CTNNA3: variants seen among roughly 807,000 people sequenced by gnomAD.
The protein encoded by CTNNA3 is catenin alpha-3.
In CTNNA3, 76 loss-of-function variants were observed where a neutral mutation model predicts 95.7. That is an observed-to-expected ratio of 0.79 (90% CI 0.66 to 0.96). CTNNA3 has a LOEUF of 0.96. Ranked by LOEUF, CTNNA3 falls within the 40% of genes least tolerant of loss-of-function variation. The pLI is 0.00. For synonymous variants in CTNNA3, 431 were observed against 374.4 expected (o/e 1.15, Z -1.74); for missense variants, 1,191 against 1,089.8 (o/e 1.09, Z -1.31).
intron 7 of CTNNA3, among the ~76,000 whole-genome samples, chr10:67,095,297 C>T (rs554972875): frequency 2.0e-4 from 31 of 151,672 alleles, no homozygotes; most frequent in Admixed American, 1.9e-3. Context: ...TAAACATTCA[C>T]GTTGCTTATA....
chr10:67,727,855 T>TTACATTATGTATAATATAGTATATATCA (rs1564841848), intron 1 of CTNNA3, among the ~76,000 whole-genome samples: 1 of 130,436 alleles, frequency 7.7e-6, no homozygotes, highest in African/African-American at 2.9e-5. Flanking sequence ...ATATCATATA[T>TTACATTATGTATAATATAGTATATATCA]TATATTATGT....
At chr10:66,571,903 C>T (rs1005835535) in intron 10 of CTNNA3, among the ~76,000 whole-genome samples, 4 of 152,106 alleles carry the variant, frequency 2.6e-5, no homozygotes, top group African/African-American at 4.8e-5. Flanking sequence ...ATCACTGACG[C>T]ATTTTTTAAA....
intron 7 of CTNNA3, among the ~76,000 whole-genome samples, chr10:67,000,194 A>T (rs1851597669): frequency 6.6e-6 from 1 of 152,198 alleles, no homozygotes; most frequent in Non-Finnish European, 1.5e-5. Flanking sequence ...ATATGAGCTC[A>T]AGAGAAACAT....
intron 3 of CTNNA3, among the ~76,000 whole-genome samples, chr10:67,576,930 C>G (rs1013266639): frequency 7.8e-6 from 1 of 127,554 alleles, no homozygotes; most frequent in African/African-American, 3.9e-5. Context: ...ATATGTGCCA[C>G]ATTTTCTTAA....
At chr10:66,628,480 A>G (rs1564578692) in intron 9 of CTNNA3, among the ~76,000 whole-genome samples, 1 of 152,174 alleles carries the variant, frequency 6.6e-6, no homozygotes, top group Admixed American at 6.6e-5. Flanking sequence ...GACTGTGTAT[A>G]TTCATTGGAA....
intron 3 of CTNNA3, among the ~76,000 whole-genome samples, chr10:67,556,909 C>T (rs1043334579): frequency 2.6e-5 from 4 of 152,070 alleles, no homozygotes; most frequent in African/African-American, 9.7e-5. Flanking sequence ...TAAATTTCCC[C>T]CTACACACTG....
chr10:65,975,112 C>T (rs2078185792), intron 16 of CTNNA3, among the ~76,000 whole-genome samples: 1 of 152,074 alleles, frequency 6.6e-6, no homozygotes, highest in Non-Finnish European at 1.5e-5. Context: ...GATGAGAACA[C>T]ATTACCCTGA....
intron 5 of CTNNA3, among the ~76,000 whole-genome samples, chr10:67,288,272 T>C (rs565458263): frequency 6.6e-6 from 1 of 152,202 alleles, no homozygotes; most frequent in South Asian, 2.1e-4. Flanking sequence ...ATCTTTCTAC[T>C]ACACGTCTTT....
chr10:67,235,790 T>C (rs1390570010), intron 5 of CTNNA3, among the ~76,000 whole-genome samples: 2 of 143,498 alleles, frequency 1.4e-5, no homozygotes, highest in African/African-American at 2.7e-5. Context: ...ATATCCAGAA[T>C]CTACAATGAA....
intron 10 of CTNNA3, among the ~76,000 whole-genome samples, chr10:66,582,909 A>T (rs11813522): frequency 0.032 from 4,786 of 151,546 alleles, 232 homozygotes; most frequent in African/African-American, 0.11. Flanking sequence ...ATATTTATTT[A>T]AAAAAATTCT....
chr10:67,675,427 C>T (rs1589558238), intron 1 of CTNNA3, among the ~76,000 whole-genome samples: 1 of 152,250 alleles, frequency 6.6e-6, no homozygotes, highest in Non-Finnish European at 1.5e-5. Context: ...TCCAGATCTG[C>T]TCCACATTTT....
intron 7 of CTNNA3, among the ~76,000 whole-genome samples, chr10:67,006,988 G>T (rs1042246935): frequency 1.1e-4 from 17 of 152,120 alleles, no homozygotes; most frequent in Admixed American, 2.6e-4. Context: ...TACAGATGGG[G>T]TTTCACCATG....
At chr10:67,319,622 G>T (rs1841220157) in intron 5 of CTNNA3, among the ~76,000 whole-genome samples, 1 of 152,106 alleles carries the variant, frequency 6.6e-6, no homozygotes, top group Non-Finnish European at 1.5e-5. Context: ...ATGGCCAGGT[G>T]CAGTGGCTCA....
chr10:67,276,992 T>A (rs1334349406), intron 5 of CTNNA3, among the ~76,000 whole-genome samples: 1 of 152,134 alleles, frequency 6.6e-6, no homozygotes, highest in Non-Finnish European at 1.5e-5. Context: ...AAGTGGTTGA[T>A]CATTCCTTAT....
At chr10:66,884,847 CAGG>C (rs1471599198) in intron 7 of CTNNA3, among the ~76,000 whole-genome samples, 1 of 151,994 alleles carries the variant, frequency 6.6e-6, no homozygotes, top group East Asian at 1.9e-4. Context: ...CCTGAACACC[CAGG>C]GGATACCCGT....
chr10:67,673,627 T>C (rs1325162813), intron 1 of CTNNA3, among the ~76,000 whole-genome samples: 2 of 147,410 alleles, frequency 1.4e-5, no homozygotes, highest in African/African-American at 4.9e-5. Flanking sequence ...ATCATGTGGT[T>C]TTTGTCTTTG....
intron 5 of CTNNA3, among the ~76,000 whole-genome samples, chr10:67,355,724 T>C (rs1183408934): frequency 6.6e-6 from 1 of 152,058 alleles, no homozygotes; most frequent in Non-Finnish European, 1.5e-5. Flanking sequence ...TGAGATATTA[T>C]GCAATGATAA....
At chr10:67,138,793 G>C (rs1285181341) in intron 7 of CTNNA3, among the ~76,000 whole-genome samples, 1 of 152,094 alleles carries the variant, frequency 6.6e-6, no homozygotes, top group East Asian at 1.9e-4. Context: ...GTATATCTTA[G>C]TGTCCACCAG....
chr10:66,081,964 A>C, intron 14 of CTNNA3, among the ~76,000 whole-genome samples: 1 of 151,900 alleles, frequency 6.6e-6, no homozygotes, highest in Admixed American at 6.6e-5. Flanking sequence ...TAAAAATACA[A>C]AAAATTAGCT....
Sources: allele counts gnomAD v4.1 joint callset (sites outside exome capture counted in the v4.1 genomes callset), GRCh38; gene constraint gnomAD v4.1.1; transcripts MANE v1.5; gene names NCBI Gene and HGNC (gene_info 2026-07-23, HGNC 2026-07-21).